Variants in CYP3A7 observed in about 807,000 individuals in gnomAD.
CYP3A7 encodes cytochrome P450 family 3 subfamily A member 7.
A neutral mutation model predicts 55.2 loss-of-function variants in CYP3A7; 45 were observed. The observed-to-expected ratio is 0.82, with a 90% confidence interval of 0.64 to 1.05. The LOEUF (loss-of-function observed/expected upper bound fraction) is 1.05, where lower values mean the gene tolerates loss of function less well. Ranked by LOEUF, CYP3A7 falls within the 50% of genes least tolerant of loss-of-function variation. The pLI is 0.00. For missense variants in CYP3A7, 548 were observed against 605.3 expected, an observed-to-expected ratio of 0.91 and a Z score of 0.99; for synonymous variants, 180 against 207.4, an observed-to-expected ratio of 0.87 and a Z score of 1.13.
chr7:99,723,549 G>T (rs949429713), intron 2 of CYP3A7, among the ~76,000 whole-genome samples: 5 of 152,090 alleles, frequency 3.3e-5, no homozygotes, highest in Non-Finnish European at 7.4e-5. Flanking sequence ...ACTGTTTGGT[G>T]GTCTCTTCAC....
At chr7:99,710,260 T>C (rs1480557609) in intron 10 of CYP3A7, among the ~76,000 whole-genome samples, 1 of 152,204 alleles carries the variant, frequency 6.6e-6, no homozygotes. Flanking sequence ...AGAAGTCAGA[T>C]ACCCTGGTTC....
intron 11 of CYP3A7, among the ~76,000 whole-genome samples, 192 bp downstream of exon 11, chr7:99,708,843 T>G (rs1813629533): frequency 6.6e-6 from 1 of 152,312 alleles, no homozygotes; most frequent in African/African-American, 2.4e-5. Flanking sequence ...GGACTGTGAC[T>G]GGCTATAGTT....
At chr7:99,720,492 G>T in intron 3 of CYP3A7, 80 bp from the exon 4 acceptor site, 1 of 1,475,434 alleles carries the variant, frequency 6.8e-7, no homozygotes. Flanking sequence ...GCCAGACTTT[G>T]ATCCGGACAT....
At chr7:99,711,846 T>A (rs1483376491) in intron 9 of CYP3A7, among the ~76,000 whole-genome samples, 2 of 152,104 alleles carry the variant, frequency 1.3e-5, no homozygotes, top group Non-Finnish European at 2.9e-5. Flanking sequence ...AACTACTGAT[T>A]CAAGTCTGAA....
intron 12 of CYP3A7, 133 bp downstream of exon 12, chr7:99,707,679 G>A (rs1339280575): frequency 1.4e-6 from 2 of 1,432,370 alleles, no homozygotes; most frequent in East Asian, 5.0e-5. Context: ...ATCATAGATG[G>A]GTCCAAATAG....
intron 9 of CYP3A7, among the ~76,000 whole-genome samples, chr7:99,711,585 A>G (rs1053713250): frequency 7.2e-5 from 11 of 152,164 alleles, no homozygotes; most frequent in African/African-American, 2.7e-4. Flanking sequence ...CCTAACCAAC[A>G]TGGAGAAACC....
intron 9 of CYP3A7, among the ~76,000 whole-genome samples, chr7:99,712,346 CTGATG>C (rs1813779421): frequency 6.6e-6 from 1 of 152,184 alleles, no homozygotes; most frequent in African/African-American, 2.4e-5. Flanking sequence ...CCTGATGATA[CTGATG>C]TGAAACCAAA....
intron 2 of CYP3A7, among the ~76,000 whole-genome samples, chr7:99,724,964 G>A (rs1814351853): frequency 6.6e-6 from 1 of 152,036 alleles, no homozygotes; most frequent in Non-Finnish European, 1.5e-5. Flanking sequence ...ATCTCACACT[G>A]ACACCCACCA....
intron 2 of CYP3A7, chr7:99,730,744 C>T (rs908983717): frequency 6.1e-6 from 2 of 327,404 alleles, no homozygotes; most frequent in Non-Finnish European, 1.2e-5. Flanking sequence ...ATGGCTGTAC[C>T]TTCCTGGGAA....
intron 2 of CYP3A7, among the ~76,000 whole-genome samples, chr7:99,727,706 G>A (rs1237113430): frequency 2.0e-5 from 3 of 152,060 alleles, no homozygotes; most frequent in African/African-American, 7.2e-5. Flanking sequence ...CTATCATTGA[G>A]GCTACTGCTC....
intron 9 of CYP3A7, among the ~76,000 whole-genome samples, chr7:99,711,556 G>A (rs1203207117): frequency 6.6e-6 from 1 of 152,180 alleles, no homozygotes; most frequent in Admixed American, 6.5e-5. Flanking sequence ...ATCACCCGAG[G>A]TCAGGAGTTC....
intron 2 of CYP3A7, among the ~76,000 whole-genome samples, chr7:99,723,121 T>C (rs1193084452): frequency 1.3e-5 from 2 of 152,148 alleles, no homozygotes; most frequent in Non-Finnish European, 2.9e-5. Flanking sequence ...GTACATCTAC[T>C]AAAGATTTGA....
intron 12 of CYP3A7, 43 bp downstream of exon 12, chr7:99,707,769 A>T (rs371844640): frequency 2.1e-4 from 338 of 1,612,028 alleles, no homozygotes; most frequent in Non-Finnish European, 2.8e-4. Flanking sequence ...TTCAGTTAAA[A>T]TAATTGTTAA....
At chr7:99,720,777 T>C (rs747401134) in intron 3 of CYP3A7, 5 of 223,348 alleles carry the variant, frequency 2.2e-5, no homozygotes, top group Non-Finnish European at 4.5e-5. Flanking sequence ...AATATTTCCC[T>C]TTATAAAGAG....
intron 6 of CYP3A7, 71 bp downstream of exon 6, chr7:99,717,106 T>G: frequency 6.3e-7 from 1 of 1,597,886 alleles, no homozygotes; most frequent in Non-Finnish European, 8.6e-7. Context: ...ACAGCGGGAG[T>G]ATCAGCTCCA....
At chr7:99,716,010 G>A (rs754753695) in intron 6 of CYP3A7, 104 bp from the exon 7 acceptor site, 46 of 1,602,724 alleles carry the variant, frequency 2.9e-5, no homozygotes, top group Non-Finnish European at 3.9e-5. Flanking sequence ...CAGACAAACA[G>A]CCACAGACTT....
intron 2 of CYP3A7, among the ~76,000 whole-genome samples, chr7:99,729,372 T>G (rs1814537227): frequency 1.3e-5 from 2 of 152,158 alleles, no homozygotes; most frequent in Admixed American, 1.3e-4. Context: ...GGTGTCCACA[T>G]GGCCCATAAT....
intron 1 of CYP3A7, among the ~76,000 whole-genome samples, chr7:99,733,225 A>G (rs1249719701): frequency 6.6e-6 from 1 of 152,106 alleles, no homozygotes; most frequent in African/African-American, 2.4e-5. Flanking sequence ...CTGCTTCTAA[A>G]CTTTCTACAT....
chr7:99,722,354 A>G lies in CYP3A7; in HGVS notation c.166-6T>C. ...ATGTCAAACGTCCAATAGCCCTGGG[A>G]GGAGAAACAAAATAATATTTCATTA... On this transcript the variant is annotated splice_polypyrimidine_tract_variant and splice_region_variant and intron_variant, in intron 2 of 12. Coordinates refer to ENST00000336374, the MANE Select transcript of CYP3A7 (RefSeq NM_000765.5). 6.2e-7 allele frequency: 1 copy of G among 1,613,430 alleles called. No individual in the cohort carries two copies. Among genetic ancestry groups the G allele is most frequent in the Non-Finnish European group, 8.5e-7 (1 of 1,179,608 alleles).
Sources: gnomAD v4.1 joint callset for allele counts (sites outside exome capture counted in the v4.1 genomes callset) on GRCh38, gnomAD v4.1.1 for gene constraint, MANE v1.5 for transcripts, NCBI Gene and HGNC (gene_info 2026-07-23, HGNC 2026-07-21) for gene names.